Variants in SGTA observed in about 807,000 individuals in gnomAD.
SGTA encodes small glutamine-rich tetratricopeptide repeat-containing protein alpha.
A neutral mutation model predicts 44.3 loss-of-function variants in SGTA; 22 were observed. That is an observed-to-expected ratio of 0.50 (90% CI 0.36 to 0.71). The LOEUF is 0.71. Among genes scored for constraint, SGTA ranks in the 30% least tolerant of loss-of-function variants. The pLI is 0.00. For missense variants in SGTA, 341 were observed against 435.9 expected (o/e 0.78, Z 1.94); for synonymous variants, 174 against 177.6 (o/e 0.98, Z 0.16).
chr19:2,762,745 C>G (rs1459834362), intron 6 of SGTA, 101 bp from the exon 7 acceptor site: 1 of 1,415,666 alleles, frequency 7.1e-7, no homozygotes, highest in Admixed American at 1.8e-5. Flanking sequence ...CCCAAACCAC[C>G]TCGGATGGTG....
chr19:2,757,428 T>C lies in SGTA; in HGVS notation c.857A>G (p.Gln286Arg), dbSNP rs1914853906. ...CTGCTCTATCAACTCTGGGTTCTGC[T>C]GCTGCATCTGCTGGGCAAACTGCTG... Reference protein sequence around the residue: ...AGQQFAQQMQQQNPELIEQLR... With the variant: ...AGQQFAQQMQRQNPELIEQLR... The change falls in exon 11 of 12, where the codon CAG (glutamine) becomes CGG (arginine). Residue 286 changes from glutamine to arginine, a missense_variant. Physicochemically the swap from Gln to Arg is conservative, Grantham distance 43 (BLOSUM62 1). Transcript: ENST00000221566. 6.2e-7 allele frequency: 1 copy of C among 1,608,924 alleles called. No homozygotes were observed. The highest frequency in any genetic ancestry group is 8.5e-7 in the Non-Finnish European group (1 of 1,179,936).
rs1915100008 is a variant in SGTA at position 2,765,047 on chromosome 19, C to G, written c.392+139G>C. On this transcript the variant is annotated intron_variant, in intron 5 of 11. Transcript: ENST00000221566. The surrounding 1 kb of genome is among the most constrained non-coding windows in gnomAD (Gnocchi z 5.5). ...CCCGTTGCTGGTCACCTGATGCTCG[C>G]TCCTGGTCTGAGACCACCGGTGAAT... 8 of 643,380 alleles carry G rather than the reference C, an allele frequency of 1.2e-5. No individual in the cohort carries two copies. The East Asian group carries it at 2.2e-4, about 18-fold the overall frequency. 39.9% of individuals were successfully genotyped at this position (643,380 alleles called of 1,614,324 possible). A position where few individuals can be genotyped will look rare whatever the true frequency, so the allele number is the denominator to read the frequency against.
chr19:2,768,177 C>T (rs976618382), intron 2 of SGTA, among the ~76,000 whole-genome samples: 3 of 152,184 alleles, frequency 2.0e-5, no homozygotes, highest in African/African-American at 7.2e-5. Context: ...CACAGGGCCC[C>T]TCTCTCTGCT....
intron 1 of SGTA, among the ~76,000 whole-genome samples, chr19:2,777,217 C>G (rs1272255760): frequency 6.6e-6 from 1 of 151,028 alleles, no homozygotes; most frequent in Non-Finnish European, 1.5e-5. Context: ...CACTACTGTA[C>G]TCCAGCCTGG....
intron 2 of SGTA, 66 bp downstream of exon 2, chr19:2,768,888 ATCTACACACCAGGTG>A: frequency 9.8e-7 from 1 of 1,017,510 alleles, no homozygotes; most frequent in Non-Finnish European, 1.5e-6. Context: ...GGGACCAGGC[ATCTACACACCAGGTG>A]TCTACACGAG....
chr19:2,758,063 G>C (rs1227484215), intron 9 of SGTA, among the ~76,000 whole-genome samples: 1 of 152,180 alleles, frequency 6.6e-6, no homozygotes, highest in Non-Finnish European at 1.5e-5. Context: ...GCGGACATTT[G>C]CAACAGCCAT....
In SGTA at chr19:2,765,951, G is replaced by A. The variant is rs1568309677; in HGVS notation, c.293-666C>T. 1.3e-5 allele frequency among the ~76,000 whole-genome samples: 2 copies of A among 152,238 alleles called. No homozygotes were observed. The highest frequency in any genetic ancestry group is 4.1e-4 in the South Asian group (2 of 4,834). On this transcript the variant is annotated intron_variant, in intron 4 of 11. Coordinates refer to ENST00000221566, the MANE Select transcript of SGTA (RefSeq NM_003021.4). The surrounding 1 kb of genome is among the most constrained non-coding windows in gnomAD (Gnocchi z 5.5). ...TAAAAATATAAGCCCGGGCGCGGTG[G>A]CTCATGCTTATAATCCCAGCACTTT...
At chr19:2,775,994 G>A (rs1915437981) in intron 1 of SGTA, among the ~76,000 whole-genome samples, 1 of 152,160 alleles carries the variant, frequency 6.6e-6, no homozygotes, top group African/African-American at 2.4e-5. Flanking sequence ...GAACTTTGAG[G>A]TCTGGGATCA....
intron 1 of SGTA, among the ~76,000 whole-genome samples, chr19:2,780,210 A>G (rs551502928): frequency 1.2e-3 from 190 of 152,262 alleles, no homozygotes; most frequent in Non-Finnish European, 2.4e-3. Flanking sequence ...CTCACACCCC[A>G]GTAGGAAGGG....
intron 1 of SGTA, among the ~76,000 whole-genome samples, chr19:2,769,474 G>A (rs919750300): frequency 2.0e-5 from 3 of 152,170 alleles, no homozygotes; most frequent in African/African-American, 7.2e-5. Flanking sequence ...GCAGTGCCCA[G>A]GACAGCTCCA....
At chr19:2,764,332 T>C (rs1269547677) in intron 5 of SGTA, among the ~76,000 whole-genome samples, 1 of 152,220 alleles carries the variant, frequency 6.6e-6, no homozygotes, top group Non-Finnish European at 1.5e-5. Flanking sequence ...CTCCACATAC[T>C]GGATTATTTT....
intron 4 of SGTA, among the ~76,000 whole-genome samples, chr19:2,766,519 G>A (rs933663407): frequency 1.4e-4 from 22 of 151,826 alleles, no homozygotes; most frequent in African/African-American, 5.1e-4. Context: ...TGCAACCTCC[G>A]CCTCCCAGGT....
At chr19:2,762,722 G>A (rs571766562) in intron 6 of SGTA, 78 bp from the exon 7 acceptor site, 84 of 1,562,026 alleles carry the variant, frequency 5.4e-5, no homozygotes, top group Admixed American at 8.6e-5. Flanking sequence ...CGTCCCCGGC[G>A]GTCCTGGCAA....
At position 2,765,164 on chromosome 19, in the gene SGTA, T is replaced by C. The variant is rs770618827; in HGVS notation, c.392+22A>G. On this transcript the variant is annotated intron_variant, in intron 5 of 11. Transcript: ENST00000221566. The surrounding 1 kb of genome is among the most constrained non-coding windows in gnomAD (Gnocchi z 5.5). ...CCCCCGCACCCGGCCGCCCCTGCCC[T>C]GGGCAGGCCCTGAGCTGGTACCTGT... 2.5e-6 allele frequency: 4 copies of C among 1,595,562 alleles called. No individual in the cohort carries two copies. In the African/African-American group the frequency reaches 5.4e-5, roughly 21 times the overall value.
Position 2,765,475 on chromosome 19 carries a change from C to T in SGTA, c.293-190G>A, listed in dbSNP as rs911329139. On this transcript the variant is annotated intron_variant, in intron 4 of 11. Transcript: ENST00000221566. The surrounding 1 kb of genome is among the most constrained non-coding windows in gnomAD (Gnocchi z 5.5). The stretch of plus-strand genomic sequence containing the variant: ...CTGCATCTATAGGGGGTTCGCTAGT[C>T]GCAAACAATCATATCTACATCCACT... 3.9e-5 allele frequency among the ~76,000 whole-genome samples: 6 copies of T among 152,148 alleles called. No individual in the cohort carries two copies. Among genetic ancestry groups the T allele is most frequent in the South Asian group, 4.1e-4 (2 of 4,832 alleles).
In SGTA at chr19:2,767,708, T is replaced by A; in HGVS notation, c.101-22A>T. 6.3e-7 allele frequency: 1 copy of A among 1,583,158 alleles called. No individual in the cohort carries two copies. The highest frequency in any genetic ancestry group is 8.7e-7 in the Non-Finnish European group (1 of 1,152,586). ...GCGACTGAAGCGGGGACAGAGGCGG[T>A]CCCATTCATTGCACGCAGCCCCGAG... On this transcript the variant is annotated intron_variant, in intron 2 of 11. Transcript: ENST00000221566. The surrounding 1 kb of genome is among the most constrained non-coding windows in gnomAD (Gnocchi z 7.3).
At chr19:2,756,054 C>T (rs1454608441) in intron 11 of SGTA, 121 bp from the exon 12 acceptor site, 5 of 416,694 alleles carry the variant, frequency 1.2e-5, no homozygotes, top group Admixed American at 6.4e-5. Flanking sequence ...GCTATTTCAA[C>T]GAACGTCAGA....
chr19:2,755,980 A>G lies in SGTA; in HGVS notation c.*7-47T>C. 1.0e-6 allele frequency: 1 copy of G among 967,560 alleles called. No homozygotes were observed. Among genetic ancestry groups the G allele is most frequent in the Non-Finnish European group, 1.2e-6 (1 of 813,744 alleles). The allele number at this position is 967,560 out of a possible 1,614,324, so 59.9% of individuals were successfully genotyped here. On this transcript the variant is annotated intron_variant, in intron 11 of 11. Transcript: ENST00000221566. This position sits in a 1 kb window ranked among gnomAD's most constrained non-coding sequence, Gnocchi z 5.2. The stretch of plus-strand genomic sequence containing the variant: ...GGCTGTCAGAGCGCAGGTGGGGACC[A>G]AGGCTGCACCACACACTCCAGGCAG...
chr19:2,775,683 G>T (rs1346572334), intron 1 of SGTA, among the ~76,000 whole-genome samples: 1 of 152,190 alleles, frequency 6.6e-6, no homozygotes, highest in East Asian at 1.9e-4. Context: ...GGCTTGGGGA[G>T]GGGAAGGGGA....
Sources: allele counts gnomAD v4.1 joint callset (sites outside exome capture counted in the v4.1 genomes callset), GRCh38; gene constraint gnomAD v4.1.1; non-coding constraint Gnocchi (gnomAD v3.1); transcripts MANE v1.5; gene names NCBI Gene and HGNC (gene_info 2026-07-23, HGNC 2026-07-21).